The following CEP295 variants were observed in gnomAD, a reference collection of about 807,000 sequenced individuals.
CEP295 encodes centrosomal protein of 295 kDa.
A neutral mutation model predicts 291.6 loss-of-function variants in CEP295; 190 were observed. The observed-to-expected ratio is 0.65, with a 90% CI of 0.58 to 0.73. The LOEUF is 0.73. Among genes scored for constraint, CEP295 ranks in the 30% least tolerant of loss-of-function variants. The pLI, the probability that CEP295 is intolerant of heterozygous loss-of-function variation, is 0.00. For missense variants in CEP295, 2,863 were observed against 2,949.4 expected (o/e 0.97, Z 0.68); for synonymous variants, 993 against 1,038.8 (o/e 0.96, Z 0.85).
intron 2 of CEP295, among the ~76,000 whole-genome samples, chr11:93,667,251 A>G (rs962944416): frequency 7.2e-5 from 11 of 152,348 alleles, no homozygotes; most frequent in African/African-American, 2.2e-4. Context: ...AATGATGTAC[A>G]ACAGAAATGG....
chr11:93,729,685 A>C lies in CEP295; in HGVS notation c.7471A>C (p.Met2491Leu), dbSNP rs1284342555. ...ATTTATAAAGAGGAAAAAATCATTT[A>C]TGGAGAGATCCCACCAGAGGCAGAA... ...EAFIKRKKSFMERSHQRQKEI... is the reference protein window; with the variant it reads ...EAFIKRKKSFLERSHQRQKEI... Residue 2491 changes from methionine to leucine, a missense_variant, in exon 27 of 30, where the codon ATG (methionine) becomes CTG (leucine). Met to Leu is a conservative substitution (Grantham distance 15). Coordinates refer to ENST00000325212, the MANE Select transcript of CEP295 (RefSeq NM_033395.2). 2 of 1,550,742 alleles carry C rather than the reference A, an allele frequency of 1.3e-6. No homozygotes were observed. Among genetic ancestry groups the C allele is most frequent in the Admixed American group, 2.0e-5 (1 of 50,946 alleles).
chr11:93,694,333 T>G (rs891673495), intron 12 of CEP295, among the ~76,000 whole-genome samples: 1 of 152,306 alleles, frequency 6.6e-6, no homozygotes, highest in Admixed American at 6.5e-5. Context: ...AGTACCAAAC[T>G]GTGGATAATA....
At chr11:93,702,253 C>G (rs1003402102) in intron 15 of CEP295, among the ~76,000 whole-genome samples, 1 of 152,178 alleles carries the variant, frequency 6.6e-6, no homozygotes, top group Non-Finnish European at 1.5e-5. Flanking sequence ...GCCACCGCGC[C>G]TGGCCGAATG....
intron 26 of CEP295, 25 bp from the exon 27 acceptor site, chr11:93,729,589 T>C (rs1358793149): frequency 1.3e-6 from 2 of 1,549,810 alleles, no homozygotes; most frequent in East Asian, 4.9e-5. Context: ...CCTATTTCTG[T>C]CATAAATTTC....
At position 93,730,092 on chromosome 11, in the gene CEP295, A is replaced by G; in HGVS notation, c.7711A>G (p.Lys2571Glu). The G allele has an allele frequency of 6.4e-7, 1 of 1,551,298 alleles. No homozygotes were observed. ...TGAAGTGAAACAACAAAAGGAAGAA[A>G]AAACAAAACAAGAAGCTTATGCCCA... ...LAEVKQQKEE[K>E]TKQEAYAQNR... Residue 2571 changes from lysine (K) to glutamate (E), a missense_variant, in exon 29 of 30, where the codon AAA becomes GAA. By Grantham distance (56) the Lys-to-Glu change is moderately conservative. Transcript: ENST00000325212.
intron 4 of CEP295, among the ~76,000 whole-genome samples, chr11:93,669,414 G>T (rs1466421815): frequency 6.9e-6 from 1 of 144,870 alleles, no homozygotes; most frequent in Non-Finnish European, 1.5e-5. Context: ...CAACATTTCT[G>T]TTTTTTTTTT....
chr11:93,686,418 A>C (rs980366978), intron 9 of CEP295, among the ~76,000 whole-genome samples: 1 of 152,196 alleles, frequency 6.6e-6, no homozygotes, highest in Non-Finnish European at 1.5e-5. Flanking sequence ...GTCTTGCCCA[A>C]TCTAAAGGGA....
chr11:93,704,438 C>A (rs11020493), intron 17 of CEP295, among the ~76,000 whole-genome samples: 6,662 of 152,096 alleles, frequency 0.044, 322 homozygotes, highest in African/African-American at 0.11. Context: ...GGGAAACCCC[C>A]TCTGGTGGCG....
chr11:93,715,843 A>G lies in CEP295; in HGVS notation c.5750-5469A>G, dbSNP rs116728822. On this transcript the variant is annotated intron_variant, in intron 18 of 29. Transcript: ENST00000325212. Reference sequence around the variant, plus strand: ...CCAGTGCCTTATTCTTCTGTGACTGAGTGGGTATTCAATTTGCAAAACAAA... The same window carrying G: ...CCAGTGCCTTATTCTTCTGTGACTGGGTGGGTATTCAATTTGCAAAACAAA... Among the ~76,000 whole-genome samples the G allele has an allele frequency of 3.6e-3, 554 of 152,006 alleles. 2 individuals are homozygous for G. Among genetic ancestry groups the G allele is most frequent in the African/African-American group, 0.013 (538 of 41,438 alleles).
intron 9 of CEP295, among the ~76,000 whole-genome samples, chr11:93,686,698 G>A (rs1204107275): frequency 6.6e-6 from 1 of 152,118 alleles, no homozygotes; most frequent in Non-Finnish European, 1.5e-5. Flanking sequence ...TGATCTTGGG[G>A]TTAAAGTAGG....
Position 93,675,610 on chromosome 11 carries a change from A to T in CEP295, c.568A>T (p.Ser190Cys). The T allele has an allele frequency of 6.6e-7, 1 of 1,512,554 alleles. No homozygotes were observed. The highest frequency in any genetic ancestry group is 8.8e-7 in the Non-Finnish European group (1 of 1,133,510). The allele number at this position is 1,512,554 out of a possible 1,614,324, so 93.7% of individuals were successfully genotyped here. A position where few individuals can be genotyped will look rare whatever the true frequency, so the allele number is the denominator to read the frequency against. The change falls in exon 6 of 30, where the codon AGT (serine) becomes TGT (cysteine). Residue 190 changes from serine (S) to cysteine (C), a missense_variant. Ser to Cys is a moderately radical substitution (Grantham distance 112, BLOSUM62 -1). Coordinates refer to ENST00000325212, the MANE Select transcript of CEP295 (RefSeq NM_033395.2). ...AAGAATTTCTGCAGTCAAAACCAAT[A>T]GTTCTACCTACCATCATCTTCACAC... ...VKRISAVKTN[S>C]STYHHLHTFV...
intron 12 of CEP295, among the ~76,000 whole-genome samples, chr11:93,694,477 T>C (rs1482830591): frequency 6.6e-6 from 1 of 152,202 alleles, no homozygotes; most frequent in Non-Finnish European, 1.5e-5. Context: ...AACTTTCAGC[T>C]TTTCACTAAA....
chr11:93,724,309 A>G lies in CEP295; in HGVS notation c.6252A>G (p.Pro2084=). The G allele has an allele frequency of 6.4e-7, 1 of 1,550,488 alleles. No homozygotes were observed. Residue 2084 remains proline (P), a synonymous_variant, in exon 22 of 30, where the codon CCA becomes CCG. Transcript: ENST00000325212. ...ATCAGCTGTTTAAACCCTTAGAACC[A>G]CATCCAGATTTTGACTTATCATCAT... The part of the protein sequence containing the change: ...LHHQLFKPLE[P]HPDFDLSSSS...
At chr11:93,705,585 T>C (rs1163340551) in intron 17 of CEP295, among the ~76,000 whole-genome samples, 1 of 152,238 alleles carries the variant, frequency 6.6e-6, no homozygotes, top group Non-Finnish European at 1.5e-5. Flanking sequence ...TATTTTCTTT[T>C]TTTATAGCAT....
Position 93,727,325 on chromosome 11 carries a change from A to T in CEP295, c.6849A>T (p.Glu2283Asp), listed in dbSNP as rs536161119. 1.2e-4 allele frequency: 183 copies of T among 1,551,594 alleles called. 2 individuals carry two copies. The Middle Eastern group carries it at 3.2e-3, about 27-fold the overall frequency. ...ESRKESMGFE[E>D]LSKRGVVTML... is the part of the protein sequence containing the mutation. ...GAAAGGAAAGTATGGGCTTTGAAGA[A>T]CTATCAAAAAGAGGGGTTGTTACAA... The change falls in exon 24 of 30, where the codon GAA (glutamate) becomes GAT (aspartate). Residue 2283 changes from glutamate to aspartate, a missense_variant. Physicochemically the swap from Glu to Asp is conservative, Grantham distance 45. Transcript: ENST00000325212.
In CEP295 at chr11:93,691,976, A is replaced by G. The variant is rs992522773; in HGVS notation, c.1479A>G (p.Leu493=). The G allele has an allele frequency of 6.5e-7, 1 of 1,546,324 alleles. No individual in the cohort carries two copies. The highest frequency in any genetic ancestry group is 8.8e-7 in the Non-Finnish European group (1 of 1,142,314). The change falls in exon 12 of 30, where the codon CTA becomes CTG. Residue 493 remains leucine (L), a synonymous_variant. Transcript: ENST00000325212. ...PITTVAQSSV[L]LHPQEAAARI... is the part of the protein sequence containing the mutation. Reference sequence around the variant, plus strand: ...CAACTGTAGCTCAGAGTTCAGTTCTACTTCATCCTCAAGAAGCAGCAGCCA... The same window carrying G: ...CAACTGTAGCTCAGAGTTCAGTTCTGCTTCATCCTCAAGAAGCAGCAGCCA...
rs904830413 is a variant in CEP295 at position 93,699,002 on chromosome 11, G to A, written c.4090G>A (p.Ala1364Thr). The change falls in exon 15 of 30, where the codon GCC (alanine) becomes ACC (threonine). Residue 1364 changes from alanine to threonine, a missense_variant. Physicochemically the swap from Ala to Thr is moderately conservative, Grantham distance 58. Coordinates refer to ENST00000325212, the MANE Select transcript of CEP295 (RefSeq NM_033395.2). ...LQEQLATQRE[A>T]IILARQEARE... The stretch of plus-strand genomic sequence containing the variant: ...AGAACAGTTAGCTACACAGAGAGAA[G>A]CCATCATTCTAGCTAGACAAGAAGC... 6.5e-7 allele frequency: 1 copy of A among 1,548,904 alleles called. No homozygotes were observed.
At chr11:93,711,633 G>T (rs1024231709) in intron 18 of CEP295, among the ~76,000 whole-genome samples, 17 of 152,226 alleles carry the variant, frequency 1.1e-4, no homozygotes, top group Middle Eastern at 3.4e-3. Context: ...CTCCCAAATA[G>T]CTGGGACTGC....
chr11:93,673,182 G>A (rs1056243545), intron 5 of CEP295, among the ~76,000 whole-genome samples: 1 of 152,126 alleles, frequency 6.6e-6, no homozygotes, highest in African/African-American at 2.4e-5. Context: ...GAGTGTGGTG[G>A]CACCTGCCTT....
Sources: gnomAD v4.1 joint callset for allele counts (sites outside exome capture counted in the v4.1 genomes callset) on GRCh38, gnomAD v4.1.1 for gene constraint, MANE v1.5 for transcripts, NCBI Gene and HGNC (gene_info 2026-07-23, HGNC 2026-07-21) for gene names.